DNAH6: variants seen among roughly 807,000 people sequenced by gnomAD.
DNAH6 encodes the protein axonemal beta dynein heavy chain 6.
Under a neutral mutation model 491.4 loss-of-function variants are expected in DNAH6, and 340 were observed. That is an observed-to-expected ratio of 0.69 (90% CI 0.63 to 0.76). The LOEUF (loss-of-function observed/expected upper bound fraction) is 0.76. Ranked by LOEUF, DNAH6 falls within the 30% of genes least tolerant of loss-of-function variation. The pLI is 0.00. For missense variants in DNAH6, 4,443 were observed against 4,972.2 expected (o/e 0.89, Z 3.20); for synonymous variants, 1,603 against 1,686.1 (o/e 0.95, Z 1.21).
chr2:84,583,641 A>G (rs184814399), intron 14 of DNAH6, among the ~76,000 whole-genome samples: 310 of 152,340 alleles, frequency 2.0e-3, no homozygotes, highest in African/African-American at 6.9e-3. Context: ...TAATTGAATC[A>G]TGGGGGTGGT....
At chr2:84,484,244 C>T in the DNAH6 span, among the ~76,000 whole-genome samples, 1 of 152,116 alleles carries the variant, frequency 6.6e-6, no homozygotes, top group South Asian at 2.1e-4. Context: ...CACATCATCC[C>T]TTAGGTCCCT....
intron 22 of DNAH6, among the ~76,000 whole-genome samples, 190 bp from the exon 23 acceptor site, chr2:84,616,696 G>A (rs1214338140): frequency 6.6e-6 from 1 of 152,010 alleles, no homozygotes; most frequent in South Asian, 2.1e-4. Flanking sequence ...TTTTTCTATT[G>A]CCATTACAAT....
chr2:84,491,948 G>T, the DNAH6 span, among the ~76,000 whole-genome samples: 1 of 152,136 alleles, frequency 6.6e-6, no homozygotes, highest in Non-Finnish European at 1.5e-5. Context: ...CACACATTCA[G>T]GTCTTCCCCG....
chr2:84,705,842 A>G, intron 52 of DNAH6, 95 bp downstream of exon 52: 1 of 1,318,416 alleles, frequency 7.6e-7, no homozygotes, highest in Non-Finnish European at 1.0e-6. Flanking sequence ...GTCCTACGCA[A>G]TATAGACAGT....
At position 84,699,656 on chromosome 2, in the gene DNAH6, A is replaced by C; in HGVS notation, c.7740A>C (p.Pro2580=). 6.4e-7 allele frequency: 1 copy of C among 1,551,818 alleles called. No homozygotes were observed. Among genetic ancestry groups the C allele is most frequent in the Non-Finnish European group, 8.7e-7 (1 of 1,146,978 alleles). The change falls in exon 48 of 77, where the codon CCA becomes CCC. Residue 2580 remains proline, a synonymous_variant. Coordinates refer to ENST00000389394, the MANE Select transcript of DNAH6 (RefSeq NM_001370.2). ...TGCACATTGTTCTCTGCATGAGCCCAGTTGGGGAGGCCTTTCGGTCCCGAT... is the reference window on the plus strand; with the variant it reads ...TGCACATTGTTCTCTGCATGAGCCCCGTTGGGGAGGCCTTTCGGTCCCGAT... ...QKLHIVLCMS[P]VGEAFRSRCR...
At chr2:84,491,632 G>A in the DNAH6 span, among the ~76,000 whole-genome samples, 2 of 152,156 alleles carry the variant, frequency 1.3e-5, no homozygotes, top group Admixed American at 1.3e-4. Flanking sequence ...TGGACATGAT[G>A]TCTGGGACTG....
intron 33 of DNAH6, among the ~76,000 whole-genome samples, chr2:84,649,436 C>A (rs1690208728): frequency 6.6e-6 from 1 of 152,144 alleles, no homozygotes; most frequent in Non-Finnish European, 1.5e-5. Flanking sequence ...GCTTAGAGAA[C>A]TTCCCTTTAG....
At chr2:84,797,016 G>T (rs918043643) in intron 69 of DNAH6, among the ~76,000 whole-genome samples, 1 of 152,132 alleles carries the variant, frequency 6.6e-6, no homozygotes, top group East Asian at 1.9e-4. Flanking sequence ...AACTTGATTA[G>T]TACAAGCTCA....
chr2:84,599,050 A>G (rs1684967730), intron 18 of DNAH6, among the ~76,000 whole-genome samples: 3 of 137,270 alleles, frequency 2.2e-5, no homozygotes, highest in South Asian at 4.8e-4. Context: ...AAAAAAAAAA[A>G]GTCATAATTT....
chr2:84,508,613 T>C, the DNAH6 span, among the ~76,000 whole-genome samples: 1 of 152,212 alleles, frequency 6.6e-6, no homozygotes, highest in African/African-American at 2.4e-5. Context: ...TGCTAGCTTT[T>C]GAATGTGTTT....
intron 72 of DNAH6, 118 bp from the exon 73 acceptor site, chr2:84,812,223 G>C (rs1680056638): frequency 1.2e-6 from 1 of 811,102 alleles, no homozygotes; most frequent in Non-Finnish European, 2.0e-6. Flanking sequence ...GTGCAAAGAG[G>C]ATAGAACCTA....
chr2:84,787,058 G>A (rs1237598685), intron 67 of DNAH6, 106 bp from the exon 68 acceptor site: 2 of 796,798 alleles, frequency 2.5e-6, no homozygotes, highest in South Asian at 2.1e-5. Flanking sequence ...ATTTTGCAGT[G>A]TGGGGATGCC....
intron 63 of DNAH6, among the ~76,000 whole-genome samples, chr2:84,752,572 T>C (rs1165667422): frequency 6.6e-6 from 1 of 152,120 alleles, no homozygotes; most frequent in Non-Finnish European, 1.5e-5. Context: ...AGCATTTTAA[T>C]AACCCCCCGA....
chr2:84,478,687 C>T, the DNAH6 span, among the ~76,000 whole-genome samples: 8 of 152,064 alleles, frequency 5.3e-5, no homozygotes, highest in African/African-American at 9.7e-5. Flanking sequence ...TGAAAGGAAG[C>T]GAAGAGAGCA....
intron 44 of DNAH6, among the ~76,000 whole-genome samples, chr2:84,688,166 C>T (rs1335140182): frequency 1.4e-5 from 2 of 148,096 alleles, no homozygotes; most frequent in African/African-American, 2.5e-5. Context: ...ACCAAGGAGG[C>T]GAAGGTTGTG....
chr2:84,550,224 A>G (rs1267828194), intron 9 of DNAH6, among the ~76,000 whole-genome samples, 167 bp downstream of exon 9: 2 of 152,076 alleles, frequency 1.3e-5, no homozygotes, highest in African/African-American at 2.4e-5. Context: ...CATGGAAGAT[A>G]ATTTTTTCTG....
chr2:84,631,638 T>G (rs1293602727), intron 29 of DNAH6, among the ~76,000 whole-genome samples: 7 of 151,900 alleles, frequency 4.6e-5, no homozygotes, highest in Non-Finnish European at 1.0e-4. Flanking sequence ...GAGGTGGAGA[T>G]CAGAGTGATG....
Position 84,733,460 on chromosome 2 carries a change from C to T in DNAH6, c.10223C>T (p.Pro3408Leu). Residue 3408 changes from proline to leucine, a missense_variant, in exon 62 of 77, where the codon CCT (proline) becomes CTT (leucine). Physicochemically the swap from Pro to Leu is moderately conservative, Grantham distance 98. Around this residue, in one of 3 missense-constraint regions of DNAH6, gnomAD observed 1,463 missense variants for 1,656.6 expected, o/e 0.88. Transcript: ENST00000389394. ...AGLEKERPPK[P>L]EAPWLPTATW... ...TTCAAACAGGAACGCCCACCTAAGC[C>T]TGAAGCTCCCTGGCTACCTACTGCT... The T allele has an allele frequency of 6.4e-7, 1 of 1,551,286 alleles. No individual in the cohort carries two copies. The highest frequency in any genetic ancestry group is 8.7e-7 in the Non-Finnish European group (1 of 1,146,704).
intron 18 of DNAH6, among the ~76,000 whole-genome samples, chr2:84,596,338 T>G (rs1684577128): frequency 6.6e-6 from 1 of 152,130 alleles, no homozygotes; most frequent in Non-Finnish European, 1.5e-5. Context: ...TTGTTTTGTT[T>G]GTTTGTTTTT....
Sources: allele counts gnomAD v4.1 joint callset (sites outside exome capture counted in the v4.1 genomes callset), GRCh38; gene constraint gnomAD v4.1.1; regional missense constraint gnomAD v4.1.1; transcripts MANE v1.5; gene names NCBI Gene and HGNC (gene_info 2026-07-23, HGNC 2026-07-21).